The following GPR107 variants were observed in gnomAD, a reference collection of about 807,000 sequenced individuals.
GPR107 encodes G protein-coupled receptor 107.
In GPR107, 31 loss-of-function variants were observed where a neutral mutation model predicts 75.5. The observed-to-expected ratio is 0.41, with a 90% CI of 0.31 to 0.55. The LOEUF (loss-of-function observed/expected upper bound fraction) is 0.55, where lower values mean the gene tolerates loss of function less well. GPR107 is among the 20% of genes least tolerant of loss of function. The probability of loss-of-function intolerance (pLI) is 0.26; values close to 1 mark genes in which losing one functional copy is unlikely to be tolerated. For missense variants in GPR107, 572 were observed against 665.7 expected (o/e 0.86, Z 1.55); for synonymous variants, 267 against 251.3 (o/e 1.06, Z -0.59).
At chr9:130,123,411 C>T (rs1405013286) in intron 14 of GPR107, among the ~76,000 whole-genome samples, 1 of 152,120 alleles carries the variant, frequency 6.6e-6, no homozygotes, top group African/African-American at 2.4e-5. Context: ...ACCATCTTGG[C>T]CAGGCTGGTC....
At chr9:130,079,382 A>G (rs1830438219) in intron 4 of GPR107, among the ~76,000 whole-genome samples, 2 of 152,248 alleles carry the variant, frequency 1.3e-5, no homozygotes, top group African/African-American at 4.8e-5. Context: ...TTGTGTGGTT[A>G]CTAAGATCTT....
intron 14 of GPR107, among the ~76,000 whole-genome samples, chr9:130,121,925 C>G (rs537468549): frequency 6.6e-6 from 1 of 151,604 alleles, no homozygotes; most frequent in Non-Finnish European, 1.5e-5. Context: ...GAGTCTCGCT[C>G]TGTCACCCAG....
At position 130,075,740 on chromosome 9, in the gene GPR107, G is replaced by A. The variant is rs765381982; in HGVS notation, c.246G>A (p.Lys82=). 8 of 1,501,754 alleles carry A rather than the reference G, an allele frequency of 5.3e-6. No individual in the cohort carries two copies. Among genetic ancestry groups the A allele is most frequent in the Non-Finnish European group, 7.4e-6 (8 of 1,077,426 alleles). The allele number at this position is 1,501,754 out of a possible 1,614,324, so 93.0% of individuals were successfully genotyped here. A position where few individuals can be genotyped will look rare whatever the true frequency, so the allele number is the denominator to read the frequency against. Residue 82 remains lysine, a synonymous_variant, in exon 2 of 18, where the codon AAG becomes AAA. Transcript: ENST00000347136. Reference sequence around the variant, plus strand: ...TCTCACTGAATGAGCCTGAAGACAAGGATGTGACTGTAAGTACCTTTTAAT... The same window carrying A: ...TCTCACTGAATGAGCCTGAAGACAAAGATGTGACTGTAAGTACCTTTTAAT... ...SSLSLNEPED[K]DVTIGFSLDR...
intron 15 of GPR107, 80 bp from the exon 16 acceptor site, chr9:130,127,403 C>G (rs755782968): frequency 1.2e-4 from 95 of 776,426 alleles, no homozygotes; most frequent in Non-Finnish European, 2.0e-4. Flanking sequence ...TTTCCTAGTT[C>G]ATTTGTGAAA....
chr9:130,133,778 A>G (rs995447147), intron 17 of GPR107, among the ~76,000 whole-genome samples: 11 of 152,208 alleles, frequency 7.2e-5, no homozygotes, highest in African/African-American at 2.7e-4. Flanking sequence ...AAGTACAAAT[A>G]ACCTGTGAGT....
In GPR107 at chr9:130,085,754, A is replaced by ATTTTT. The variant is rs71387311; in HGVS notation, c.565-653_565-649dup. 7.2e-3 allele frequency among the ~76,000 whole-genome samples: 563 copies of ATTTTT among 78,656 alleles called. 81 individuals carry two copies. The highest frequency in any genetic ancestry group is 0.025 in the African/African-American group (492 of 20,044). The allele number at this position is 78,656 out of a possible 152,430, so 51.6% of individuals were successfully genotyped here. ...TTACTGTATAAATGGCAATATTTTG[A>ATTTTT]TTTTTTTTTTTTTTTTTGCCGGGGG... is the stretch of plus-strand genomic sequence containing the variant. On this transcript the variant is annotated intron_variant, in intron 6 of 17. Transcript: ENST00000347136.
rs183917440 is a variant in GPR107, at chr9:130,101,727, C to T, written c.1131+504C>T. ...GCCTTACAAGGCTGTGAGTCTTTTGCGGGAGGAGCCTTGTCTTACTGGAAG... is the reference window on the plus strand; with the variant it reads ...GCCTTACAAGGCTGTGAGTCTTTTGTGGGAGGAGCCTTGTCTTACTGGAAG... On this transcript the variant is annotated intron_variant, in intron 12 of 17. Transcript: ENST00000347136. Among the ~76,000 whole-genome samples, 241 of 152,250 alleles carry T rather than the reference C, an allele frequency of 1.6e-3. 1 individual carries two copies. Among genetic ancestry groups the T allele is most frequent in the African/African-American group, 5.6e-3 (234 of 41,536 alleles).
chr9:130,081,305 A>T (rs1334630379), intron 5 of GPR107, among the ~76,000 whole-genome samples: 1 of 152,208 alleles, frequency 6.6e-6, no homozygotes, highest in Non-Finnish European at 1.5e-5. Context: ...TGAGAGGCCA[A>T]GGCGGGCAGA....
At chr9:130,124,524 A>C (rs942838056) in intron 14 of GPR107, among the ~76,000 whole-genome samples, 1 of 152,216 alleles carries the variant, frequency 6.6e-6, no homozygotes, top group Non-Finnish European at 1.5e-5. Flanking sequence ...GACTAGTCCC[A>C]GTGGAGGTCA....
chr9:130,062,738 AT>A (rs1829963770), intron 1 of GPR107, among the ~76,000 whole-genome samples: 1 of 147,002 alleles, frequency 6.8e-6, no homozygotes, highest in African/African-American at 2.5e-5. Context: ...TTTTTTTTAA[AT>A]AAGAGTGTCT....
intron 1 of GPR107, among the ~76,000 whole-genome samples, chr9:130,074,027 G>A (rs1413414213): frequency 1.3e-5 from 2 of 152,308 alleles, no homozygotes; most frequent in South Asian, 2.1e-4. Context: ...AAAGTGCTGG[G>A]ATTACAGGCG....
At chr9:130,109,325 C>G (rs966219686) in intron 14 of GPR107, among the ~76,000 whole-genome samples, 1 of 152,130 alleles carries the variant, frequency 6.6e-6, no homozygotes, top group Admixed American at 6.5e-5. Context: ...TGCCTGCTAC[C>G]ACGCTCAGCT....
In GPR107 at chr9:130,075,710, T is replaced by C. The variant is rs1830328201; in HGVS notation, c.216T>C (p.Ser72=). 6.2e-6 allele frequency: 10 copies of C among 1,604,760 alleles called. No individual in the cohort carries two copies. The highest frequency in any genetic ancestry group is 8.5e-6 in the Non-Finnish European group (10 of 1,171,442). The stretch of plus-strand genomic sequence containing the variant: ...ATGGGTACATGGTGGTGAATGTCAG[T>C]AGCCTCTCACTGAATGAGCCTGAAG... ...FKDGYMVVNV[S]SLSLNEPEDK... is the part of the protein sequence containing the mutation. Residue 72 remains serine, a synonymous_variant, in exon 2 of 18, where the codon AGT becomes AGC. Coordinates refer to ENST00000347136, the MANE Select transcript of GPR107 (RefSeq NM_020960.5).
intron 8 of GPR107, among the ~76,000 whole-genome samples, chr9:130,091,268 C>T (rs1433430675): frequency 6.6e-6 from 1 of 152,062 alleles, no homozygotes; most frequent in Non-Finnish European, 1.5e-5. Flanking sequence ...GTGGGCAGAT[C>T]ACCTGAGTCC....
At chr9:130,086,761 C>T (rs539635386) in intron 7 of GPR107, among the ~76,000 whole-genome samples, 1 of 152,200 alleles carries the variant, frequency 6.6e-6, no homozygotes, top group Admixed American at 6.6e-5. Flanking sequence ...CCCATGACCC[C>T]TTTGCCCCAA....
Position 130,092,353 on chromosome 9 carries a change from A to G in GPR107, c.835A>G (p.Ile279Val), listed in dbSNP as rs1045311125. 3 of 1,612,300 alleles carry G rather than the reference A, an allele frequency of 1.9e-6. No individual in the cohort carries two copies. Among genetic ancestry groups the G allele is most frequent in the Admixed American group, 1.7e-5 (1 of 59,982 alleles). The change falls in exon 9 of 18, where the codon ATC becomes GTC. Residue 279 changes from isoleucine (I) to valine (V), a missense_variant. Ile to Val is a conservative substitution (Grantham distance 29). Coordinates refer to ENST00000347136, the MANE Select transcript of GPR107 (RefSeq NM_020960.5). The stretch of plus-strand genomic sequence containing the variant: ...CTTTTTCTTCTTTCTTTCTGGGACC[A>G]TCTGGATTCATATCCTTCGAAAACG... Reference protein sequence around the residue: ...MAFFFFLSGTIWIHILRKRRN... With the variant: ...MAFFFFLSGTVWIHILRKRRN...
chr9:130,127,338 TATTA>T, intron 15 of GPR107, 141 bp from the exon 16 acceptor site: 2 of 631,740 alleles, frequency 3.2e-6, no homozygotes, highest in South Asian at 1.9e-5. Flanking sequence ...CCGCTGCACG[TATTA>T]ATTCACACTG....
chr9:130,091,701 T>A (rs1830743204), intron 8 of GPR107, among the ~76,000 whole-genome samples: 1 of 150,986 alleles, frequency 6.6e-6, no homozygotes, highest in African/African-American at 2.4e-5. Context: ...GCTAATTTTT[T>A]TTTTTTTTTT....
intron 1 of GPR107, among the ~76,000 whole-genome samples, chr9:130,070,108 C>T (rs1409661307): frequency 1.4e-5 from 2 of 146,658 alleles, no homozygotes; most frequent in African/African-American, 5.1e-5. Context: ...ACTGTCCTCC[C>T]ACCTCAGCCT....
Sources: gnomAD v4.1 joint callset for allele counts (sites outside exome capture counted in the v4.1 genomes callset) on GRCh38, gnomAD v4.1.1 for gene constraint, MANE v1.5 for transcripts, NCBI Gene and HGNC (gene_info 2026-07-23, HGNC 2026-07-21) for gene names.